Variants in GRM1 observed in about 807,000 individuals in gnomAD.
The protein encoded by GRM1 is glutamate metabotropic receptor 1.
Under a neutral mutation model 90.9 loss-of-function variants are expected in GRM1, and 33 were observed. That is an observed-to-expected ratio of 0.36 (90% CI 0.28 to 0.49). GRM1 has a LOEUF of 0.49. Among genes scored for constraint, GRM1 ranks in the 20% least tolerant of loss-of-function variants. The pLI is 0.99. For missense variants in GRM1, 1,190 were observed against 1,534.3 expected (o/e 0.78, Z 3.75); for synonymous variants, 700 against 613.2 (o/e 1.14, Z -2.09).
intron 7 of GRM1, among the ~76,000 whole-genome samples, chr6:146,409,552 G>A (rs576278777): frequency 6.7e-6 from 1 of 148,836 alleles, no homozygotes; most frequent in Non-Finnish European, 1.5e-5. Flanking sequence ...ATTAAGTTTT[G>A]TTTTTGTTTT....
chr6:146,119,626 A>T (rs1775903535), intron 1 of GRM1, among the ~76,000 whole-genome samples: 1 of 152,200 alleles, frequency 6.6e-6, no homozygotes, highest in South Asian at 2.1e-4. Flanking sequence ...TCTAAGGTGT[A>T]AGGAAGGGAT....
rs1781453246 is a variant in GRM1, at chr6:146,255,687, A to G, written c.951-48924A>G. 1.3e-5 allele frequency among the ~76,000 whole-genome samples: 2 copies of G among 152,046 alleles called. 1 individual carries two copies. Among genetic ancestry groups the G allele is most frequent in the South Asian group, 4.2e-4 (2 of 4,816 alleles). ...ACCAGCCTTCTCTACTGGCGAAATC[A>G]TCTCTTTTTACAAATGTTCTCTGAT... On this transcript the variant is annotated intron_variant, in intron 2 of 7. Coordinates refer to ENST00000282753, the MANE Select transcript of GRM1 (RefSeq NM_001278064.2).
chr6:146,127,449 G>A (rs1239370314), intron 1 of GRM1, among the ~76,000 whole-genome samples: 1 of 152,130 alleles, frequency 6.6e-6, no homozygotes. Flanking sequence ...AATCAGAAAG[G>A]CCTTTCCCAG....
At chr6:146,267,675 GGGCTGGGCTCGGCTCGGCTC>G (rs1205533760) in intron 2 of GRM1, among the ~76,000 whole-genome samples, 39 of 103,230 alleles carry the variant, frequency 3.8e-4, no homozygotes, top group African/African-American at 2.8e-3. Flanking sequence ...GGGCTGGGCT[GGGCTGGGCTCGGCTCGGCTC>G]GGCTCGGCTC....
intron 2 of GRM1, among the ~76,000 whole-genome samples, chr6:146,291,728 G>A (rs1181618383): frequency 2.0e-5 from 3 of 151,874 alleles, no homozygotes; most frequent in Non-Finnish European, 2.9e-5. Context: ...TTACTAATAT[G>A]ATAAAACTAT....
chr6:146,343,030 T>C (rs1785038721), intron 3 of GRM1, among the ~76,000 whole-genome samples: 1 of 152,176 alleles, frequency 6.6e-6, no homozygotes, highest in Non-Finnish European at 1.5e-5. Context: ...TCATTTATTT[T>C]CCTTGTTTCC....
At chr6:146,076,410 T>C (rs1230001171) in intron 1 of GRM1, among the ~76,000 whole-genome samples, 5 of 152,166 alleles carry the variant, frequency 3.3e-5, no homozygotes, top group Non-Finnish European at 5.9e-5. Context: ...CTGATCGCAA[T>C]ATTCCAGTGA....
At chr6:146,377,778 G>A (rs968973152) in intron 5 of GRM1, among the ~76,000 whole-genome samples, 1 of 152,162 alleles carries the variant, frequency 6.6e-6, no homozygotes, top group Non-Finnish European at 1.5e-5. Flanking sequence ...GGAAAAAAAG[G>A]CTTCCTGGAT....
chr6:146,111,954 A>G (rs996438016), intron 1 of GRM1, among the ~76,000 whole-genome samples: 1 of 152,192 alleles, frequency 6.6e-6, no homozygotes, highest in Non-Finnish European at 1.5e-5. Context: ...TAACTTCTCA[A>G]ATACAGGGCC....
chr6:146,163,297 CTTTA>C (rs987031516), intron 2 of GRM1, among the ~76,000 whole-genome samples: 2 of 152,082 alleles, frequency 1.3e-5, no homozygotes, highest in Middle Eastern at 3.2e-3. Context: ...TCTATGAAAG[CTTTA>C]TTTAAGATGC....
intron 2 of GRM1, among the ~76,000 whole-genome samples, chr6:146,219,696 T>A (rs1779990963): frequency 6.6e-6 from 1 of 152,092 alleles, no homozygotes; most frequent in East Asian, 1.9e-4. Flanking sequence ...TGCATATGTA[T>A]TGGGTAAATA....
chr6:146,213,341 T>C (rs966656204), intron 2 of GRM1, among the ~76,000 whole-genome samples: 2 of 151,826 alleles, frequency 1.3e-5, no homozygotes, highest in Non-Finnish European at 2.9e-5. Context: ...TTAGAAGAAA[T>C]TAATTTTAAT....
In GRM1 at chr6:146,369,077, G is replaced by A. The variant is rs61657540; in HGVS notation, c.1602+11383G>A. Among the ~76,000 whole-genome samples the A allele has an allele frequency of 0.014, 2,120 of 150,096 alleles. 75 individuals carry two copies. In the East Asian group the frequency reaches 0.15, roughly 11 times the overall value. On this transcript the variant is annotated intron_variant, in intron 5 of 7. Coordinates refer to ENST00000282753, the MANE Select transcript of GRM1 (RefSeq NM_001278064.2). ...TTTCTTTATGGTTCAATCTCAGTAG[G>A]TTATATGTATTCAGGAAATTATCCA...
chr6:146,142,774 C>T (rs1776933559), intron 1 of GRM1, among the ~76,000 whole-genome samples: 2 of 152,094 alleles, frequency 1.3e-5, no homozygotes, highest in Non-Finnish European at 1.5e-5. Flanking sequence ...AGGCCTGAGA[C>T]TTACCCTTTC....
intron 3 of GRM1, among the ~76,000 whole-genome samples, chr6:146,342,942 C>T (rs908798162): frequency 6.6e-6 from 1 of 152,092 alleles, no homozygotes; most frequent in Non-Finnish European, 1.5e-5. Context: ...TTATTATTAA[C>T]TAAACTCTAT....
chr6:146,041,855 A>T (rs911027539), intron 1 of GRM1, among the ~76,000 whole-genome samples: 1 of 151,994 alleles, frequency 6.6e-6, no homozygotes, highest in Admixed American at 6.6e-5. Flanking sequence ...CCATAGACGG[A>T]GTAGCTTATA....
intron 2 of GRM1, among the ~76,000 whole-genome samples, chr6:146,177,450 T>C (rs930635023): frequency 2.0e-5 from 3 of 152,152 alleles, no homozygotes; most frequent in African/African-American, 7.2e-5. Context: ...TTGGCTCTCT[T>C]TGATTTTTTA....
At chr6:146,304,970 G>A (rs1783523695) in intron 3 of GRM1, 124 bp downstream of exon 3, 1 of 747,030 alleles carries the variant, frequency 1.3e-6, no homozygotes, top group Non-Finnish European at 2.4e-6. Flanking sequence ...TGCCATCTGT[G>A]TTTATAAAAT....
intron 3 of GRM1, among the ~76,000 whole-genome samples, chr6:146,324,740 C>G (rs536133823): frequency 6.6e-5 from 10 of 152,274 alleles, no homozygotes; most frequent in Admixed American, 4.6e-4. Context: ...CAACTCACCC[C>G]CCGTGGGCTG....
Sources: allele counts gnomAD v4.1 joint callset (sites outside exome capture counted in the v4.1 genomes callset), GRCh38; gene constraint gnomAD v4.1.1; transcripts MANE v1.5; gene names NCBI Gene and HGNC (gene_info 2026-07-23, HGNC 2026-07-21).